Variants in PPA1 observed in about 807,000 individuals in gnomAD.
The protein encoded by PPA1 is inorganic pyrophosphatase.
A neutral mutation model predicts 41.8 loss-of-function variants in PPA1; 23 were observed. The observed-to-expected ratio is 0.55, with a 90% confidence interval of 0.40 to 0.78. PPA1 has a LOEUF of 0.78. PPA1 is among the 30% of genes least tolerant of loss of function. PPA1 has a pLI of 0.00. For synonymous variants in PPA1, 101 were observed against 116.8 expected (o/e 0.86, Z 0.87); for missense variants, 320 against 361.6 (o/e 0.89, Z 0.93).
chr10:70,231,722 TG>T (rs1840291083), intron 1 of PPA1, among the ~76,000 whole-genome samples: 1 of 152,246 alleles, frequency 6.6e-6, no homozygotes, highest in Admixed American at 6.5e-5. Context: ...CACTTAAAAT[TG>T]GATAACTATG....
intron 2 of PPA1, among the ~76,000 whole-genome samples, chr10:70,222,131 C>G (rs989380530): frequency 6.6e-6 from 1 of 151,668 alleles, no homozygotes; most frequent in Non-Finnish European, 1.5e-5. Context: ...GTCAGGAGAT[C>G]GAGACCATCC....
rs117957851 is a variant in PPA1 at position 70,224,679 on chromosome 10, C to T, written c.123+5662G>A. ...ATTTAATTACAGCACGTCTTTAAAT[C>T]CTAGCAGTTAAGTTCAATGTGTCTT... On this transcript the variant is annotated intron_variant, in intron 2 of 10. Coordinates refer to ENST00000373232, the MANE Select transcript of PPA1 (RefSeq NM_021129.4). 2.6e-4 allele frequency among the ~76,000 whole-genome samples: 40 copies of T among 152,262 alleles called. No individual in the cohort carries two copies. In the East Asian group the frequency reaches 7.5e-3, roughly 29 times the overall value.
intron 2 of PPA1, among the ~76,000 whole-genome samples, chr10:70,223,904 T>C (rs2136767779): frequency 6.6e-6 from 1 of 152,306 alleles, no homozygotes; most frequent in East Asian, 1.9e-4. Flanking sequence ...CAGAACTCCA[T>C]CCTCCAATCC....
chr10:70,231,880 A>G (rs531471847), intron 1 of PPA1, among the ~76,000 whole-genome samples: 1 of 152,356 alleles, frequency 6.6e-6, no homozygotes, highest in South Asian at 2.1e-4. Flanking sequence ...TAACCTAAGT[A>G]AAAGCAGTGT....
intron 2 of PPA1, among the ~76,000 whole-genome samples, chr10:70,221,103 T>C (rs1248680084): frequency 1.0e-5 from 1 of 95,456 alleles, no homozygotes; most frequent in Non-Finnish European, 1.9e-5. Flanking sequence ...TTTGTAGAGA[T>C]GGAGCTTTGC....
intron 8 of PPA1, among the ~76,000 whole-genome samples, 165 bp from the exon 9 acceptor site, chr10:70,206,498 T>C (rs1222686493): frequency 3.3e-5 from 5 of 152,166 alleles, no homozygotes; most frequent in Non-Finnish European, 1.5e-5. Context: ...TGGCAAGGCA[T>C]AGCTATTCTT....
At chr10:70,215,197 A>G (rs944586616) in intron 4 of PPA1, among the ~76,000 whole-genome samples, 1 of 152,222 alleles carries the variant, frequency 6.6e-6, no homozygotes, top group African/African-American at 2.4e-5. Flanking sequence ...TCAATCTCAA[A>G]AAAACAAAAC....
intron 2 of PPA1, among the ~76,000 whole-genome samples, chr10:70,220,621 ATTT>A (rs1840134012): frequency 1.4e-4 from 1 of 7,312 alleles, no homozygotes; most frequent in African/African-American, 4.7e-4. Flanking sequence ...ATTATATATA[ATTT>A]ATATATATAT....
chr10:70,227,447 C>T (rs1271211985), intron 2 of PPA1, among the ~76,000 whole-genome samples: 1 of 152,102 alleles, frequency 6.6e-6, no homozygotes, highest in South Asian at 2.1e-4. Flanking sequence ...ACCAGGAGTT[C>T]GAGACCAGCC....
intron 7 of PPA1, 21 bp from the exon 8 acceptor site, chr10:70,209,311 C>A: frequency 6.6e-7 from 1 of 1,512,770 alleles, no homozygotes; most frequent in African/African-American, 1.4e-5. Context: ...AAGAGGTTTG[C>A]ATTACAATGA....
At chr10:70,205,969 A>G in intron 9 of PPA1, 1 of 288,772 alleles carries the variant, frequency 3.5e-6, no homozygotes, top group Non-Finnish European at 6.6e-6. Context: ...ATGGCTTATG[A>G]TGGGTCATAG....
At chr10:70,218,424 T>C (rs533096484) in intron 3 of PPA1, 2 of 228,028 alleles carry the variant, frequency 8.8e-6, no homozygotes, top group Non-Finnish European at 8.5e-6. Flanking sequence ...ACTAACACCA[T>C]GCAACTGAAA....
intron 5 of PPA1, 28 bp downstream of exon 5, chr10:70,214,472 T>G (rs1840055707): frequency 6.3e-7 from 1 of 1,581,672 alleles, no homozygotes. Flanking sequence ...ATCTCAACAC[T>G]AAAGAAAAAA....
intron 2 of PPA1, among the ~76,000 whole-genome samples, chr10:70,220,612 T>A (rs373579104): frequency 0.13 from 329 of 2,456 alleles, 96 homozygotes; most frequent in East Asian, 0.44. Flanking sequence ...TATATATATA[T>A]TATATATAAT....
At chr10:70,227,072 G>A (rs1226488416) in intron 2 of PPA1, among the ~76,000 whole-genome samples, 3 of 152,134 alleles carry the variant, frequency 2.0e-5, no homozygotes, top group Admixed American at 6.5e-5. Flanking sequence ...TCTACCCAGT[G>A]TTTCATACTG....
rs369321331 is a variant in PPA1 at position 70,209,193 on chromosome 10, G to A, written c.725+12C>T. On this transcript the variant is annotated intron_variant, in intron 8 of 10. Transcript: ENST00000373232. ...GCTTTGTGTGTTAAACATGCAAAGTGTTTACACTTACCAACTGATTCCTTT... is the reference window on the plus strand; with the variant it reads ...GCTTTGTGTGTTAAACATGCAAAGTATTTACACTTACCAACTGATTCCTTT... The A allele has an allele frequency of 6.1e-5, 95 of 1,557,354 alleles. No individual in the cohort carries two copies. Among genetic ancestry groups the A allele is most frequent in the Non-Finnish European group, 8.1e-5 (91 of 1,129,192 alleles).
chr10:70,224,680 C>T (rs964900429), intron 2 of PPA1, among the ~76,000 whole-genome samples: 1 of 152,096 alleles, frequency 6.6e-6, no homozygotes, highest in African/African-American at 2.4e-5. Flanking sequence ...TCTTTAAATC[C>T]TAGCAGTTAA....
chr10:70,210,390 T>C, intron 6 of PPA1: 1 of 1,365,658 alleles, frequency 7.3e-7, no homozygotes, highest in Non-Finnish European at 9.8e-7. Context: ...AGGCAGAGGC[T>C]ATGTCAGAGG....
rs370442603 is a variant in PPA1 at position 70,214,594 on chromosome 10, T to C, written c.298-8A>G. On this transcript the variant is annotated splice_polypyrimidine_tract_variant and splice_region_variant and intron_variant, in intron 4 of 10. Transcript: ENST00000373232. ...CCCTGGGTCTTCCCAAGTCTAAAAA[T>C]ATAAGACAGTGTATATCATTCCTAT... 1.1e-5 allele frequency: 18 copies of C among 1,602,538 alleles called. No individual in the cohort carries two copies. The highest frequency in any genetic ancestry group is 1.5e-5 in the Non-Finnish European group (17 of 1,169,950).
Sources: allele counts gnomAD v4.1 joint callset (sites outside exome capture counted in the v4.1 genomes callset), GRCh38; gene constraint gnomAD v4.1.1; transcripts MANE v1.5; gene names NCBI Gene and HGNC (gene_info 2026-07-23, HGNC 2026-07-21).